Variants in NETO1 observed in about 807,000 individuals in gnomAD.
The protein encoded by NETO1 is neuropilin and tolloid like 1, also known as neuropilin and tolloid-like protein 1.
NETO1 carries 26 observed loss-of-function variants against 61.3 expected under a neutral mutation model. The ratio of observed to expected loss-of-function variants is 0.42; its 90% CI spans 0.31 to 0.59. The LOEUF (loss-of-function observed/expected upper bound fraction) is 0.59, where lower values mean the gene tolerates loss of function less well. Among genes scored for constraint, NETO1 ranks in the 20% least tolerant of loss-of-function variants. NETO1 has a pLI of 0.12. For missense variants in NETO1, 531 were observed against 662.8 expected, an observed-to-expected ratio of 0.80 and a Z score of 2.18; for synonymous variants, 225 against 225.8, an observed-to-expected ratio of 1.00 and a Z score of 0.03.
In NETO1 at chr18:72,836,582, G is replaced by A. The variant is rs549852735; in HGVS notation, c.469+22244C>T. Among the ~76,000 whole-genome samples, 113 of 152,256 alleles carry A rather than the reference G, an allele frequency of 7.4e-4. 1 individual carries two copies. In the South Asian group the frequency reaches 0.022, roughly 30 times the overall value. Reference sequence around the variant, plus strand: ...TTAATAAATGTATAAATAAATGAACGAGTTAAGAAGGACATCACAGGCAGG... The same window carrying A: ...TTAATAAATGTATAAATAAATGAACAAGTTAAGAAGGACATCACAGGCAGG... On this transcript the variant is annotated intron_variant, in intron 4 of 10. Transcript: ENST00000327305.
At chr18:72,787,958 T>G (rs1232729602) in intron 6 of NETO1, among the ~76,000 whole-genome samples, 1 of 152,208 alleles carries the variant, frequency 6.6e-6, no homozygotes, top group African/African-American at 2.4e-5. Context: ...GACTATCAAG[T>G]TATAAATAAA....
intron 6 of NETO1, among the ~76,000 whole-genome samples, chr18:72,786,219 AG>A (rs1339111448): frequency 6.6e-6 from 1 of 152,216 alleles, no homozygotes; most frequent in Non-Finnish European, 1.5e-5. Context: ...TATTATATAC[AG>A]TGGAAATTAT....
intron 4 of NETO1, among the ~76,000 whole-genome samples, chr18:72,797,820 G>A (rs2072369107): frequency 6.6e-6 from 1 of 151,992 alleles, no homozygotes; most frequent in Non-Finnish European, 1.5e-5. Flanking sequence ...TACACCCCAG[G>A]CTGTTCCTAT....
At chr18:72,815,233 C>A (rs2072995606) in intron 4 of NETO1, among the ~76,000 whole-genome samples, 1 of 151,802 alleles carries the variant, frequency 6.6e-6, no homozygotes. Context: ...ATTTAGAAGA[C>A]AACAAAAAAG....
intron 7 of NETO1, 100 bp downstream of exon 7, chr18:72,783,578 T>A (rs925951930): frequency 1.1e-6 from 1 of 937,464 alleles, no homozygotes; most frequent in African/African-American, 1.6e-5. Flanking sequence ...GAGAATAGCC[T>A]GCTGTGCTCA....
intron 7 of NETO1, among the ~76,000 whole-genome samples, chr18:72,775,159 G>T (rs1006579287): frequency 6.6e-6 from 1 of 152,214 alleles, no homozygotes; most frequent in African/African-American, 2.4e-5. Context: ...ATGGGAGCAA[G>T]CTGCAGAGGT....
chr18:72,773,752 G>C (rs142829748), intron 7 of NETO1, among the ~76,000 whole-genome samples: 104 of 152,230 alleles, frequency 6.8e-4, no homozygotes, highest in Middle Eastern at 3.4e-3. Flanking sequence ...GCTATGTGTA[G>C]CTGTGAGTCA....
At chr18:72,759,014 A>G (rs1308345051) in intron 7 of NETO1, among the ~76,000 whole-genome samples, 1 of 152,170 alleles carries the variant, frequency 6.6e-6, no homozygotes, top group Non-Finnish European at 1.5e-5. Context: ...ATATGCAATG[A>G]TGCACTAAAG....
chr18:72,843,732 C>G (rs1457980652), intron 4 of NETO1, among the ~76,000 whole-genome samples: 1 of 152,166 alleles, frequency 6.6e-6, no homozygotes, highest in Non-Finnish European at 1.5e-5. Context: ...AAAAGAAAAA[C>G]TCTTCCCTTA....
intron 1 of NETO1, 190 bp from the exon 2 acceptor site, chr18:72,865,431 T>C: frequency 8.6e-7 from 1 of 1,159,992 alleles, no homozygotes; most frequent in East Asian, 2.6e-5. Context: ...GGGACTCCCT[T>C]AAGGAACTAA....
Position 72,744,957 on chromosome 18 carries a change from G to A in NETO1, c.*3222C>T, listed in dbSNP as rs186100505. 1 of 152,242 alleles carries A rather than the reference G, an allele frequency of 6.6e-6. No homozygotes were observed. The highest frequency in any genetic ancestry group is 1.9e-4 in the East Asian group (1 of 5,188). The allele number at this position is 152,242 out of a possible 1,614,324, so 9.4% of individuals were successfully genotyped here. On this transcript the variant is annotated 3_prime_UTR_variant, in exon 11 of 11. Transcript: ENST00000327305. The stretch of plus-strand genomic sequence containing the variant: ...GAAAAATACAGAAAAAAATGATACA[G>A]AAGCTTAAGTGAATATTAAAGTAAT...
chr18:72,749,995 G>C, intron 9 of NETO1, 67 bp downstream of exon 9: 1 of 1,189,094 alleles, frequency 8.4e-7, no homozygotes, highest in Non-Finnish European at 1.2e-6. Flanking sequence ...CAAAATAGAA[G>C]ACAATACTCT....
In NETO1 at chr18:72,750,319, A is replaced by C; in HGVS notation, c.1284T>G (p.Ile428Met). The C allele has an allele frequency of 6.2e-7, 1 of 1,614,054 alleles. No homozygotes were observed. Among genetic ancestry groups the C allele is most frequent in the Non-Finnish European group, 8.5e-7 (1 of 1,179,988 alleles). ...GCTGTGATCCACAGTGATGGTCATG[A>C]ATGCATTTGGAAGATGACCTCCGCA... ...HKLRRSSSKC[I>M]HDHHCGSQLS... Residue 428 changes from isoleucine (I) to methionine (M), a missense_variant, in exon 9 of 11, where the codon ATT (isoleucine) becomes ATG (methionine). Transcript: ENST00000327305.
At chr18:72,765,544 G>A (rs759865642) in intron 7 of NETO1, among the ~76,000 whole-genome samples, 4 of 151,958 alleles carry the variant, frequency 2.6e-5, no homozygotes, top group South Asian at 2.1e-4. Context: ...TCAGCCTCCC[G>A]AGTAGCTGGG....
chr18:72,842,941 T>C (rs1295885949), intron 4 of NETO1, among the ~76,000 whole-genome samples: 1 of 152,212 alleles, frequency 6.6e-6, no homozygotes, highest in Admixed American at 6.5e-5. Context: ...TTAAGATGAA[T>C]TTCTTATAAC....
chr18:72,822,512 C>G (rs952959951), intron 4 of NETO1, among the ~76,000 whole-genome samples: 1 of 152,214 alleles, frequency 6.6e-6, no homozygotes, highest in Non-Finnish European at 1.5e-5. Context: ...TTCAAAGAAT[C>G]TAACTCACCA....
At chr18:72,781,157 G>C (rs2071722302) in intron 7 of NETO1, among the ~76,000 whole-genome samples, 1 of 152,038 alleles carries the variant, frequency 6.6e-6, no homozygotes. Flanking sequence ...GTATACTTTT[G>C]ATTAAAAATT....
intron 4 of NETO1, among the ~76,000 whole-genome samples, chr18:72,815,666 T>C (rs937712125): frequency 2.0e-4 from 31 of 152,190 alleles, no homozygotes; most frequent in Non-Finnish European, 3.4e-4. Context: ...GTTTCACGTG[T>C]ATGTGGAACA....
chr18:72,742,502 C>G (rs915482400), downstream of NETO1: 1 of 152,114 alleles, frequency 6.6e-6, no homozygotes. Flanking sequence ...AATGAATGGT[C>G]ATTTGAACCT....
Sources: allele counts gnomAD v4.1 joint callset (sites outside exome capture counted in the v4.1 genomes callset), GRCh38; gene constraint gnomAD v4.1.1; transcripts MANE v1.5; gene names NCBI Gene and HGNC (gene_info 2026-07-23, HGNC 2026-07-21).